The following RELN variants were observed in gnomAD, a reference collection of about 807,000 sequenced individuals.
The protein encoded by RELN is reelin.
Under a neutral mutation model 427.6 loss-of-function variants are expected in RELN, and 108 were observed. The observed-to-expected ratio is 0.25, with a 90% CI of 0.22 to 0.30. The LOEUF (loss-of-function observed/expected upper bound fraction) is 0.30. RELN is among the 10% of genes least tolerant of loss of function. The pLI, the probability that RELN is intolerant of heterozygous loss-of-function variation, is 1.00. For synonymous variants in RELN, 1,524 were observed against 1,513.4 expected (o/e 1.01, Z -0.16); for missense variants, 3,715 against 4,302.8 (o/e 0.86, Z 3.82).
At chr7:103,499,234 C>T (rs1828940722) in intron 53 of RELN, among the ~76,000 whole-genome samples, 1 of 152,156 alleles carries the variant, frequency 6.6e-6, no homozygotes, top group East Asian at 1.9e-4. Flanking sequence ...AATATTTTCC[C>T]CTGAGTCTCC....
chr7:103,690,613 G>A (rs1448645915), intron 10 of RELN, among the ~76,000 whole-genome samples: 3 of 152,088 alleles, frequency 2.0e-5, no homozygotes. Flanking sequence ...CTGTGAAAGA[G>A]AGCAAAACCA....
intron 36 of RELN, 38 bp downstream of exon 36, chr7:103,561,494 T>C (rs778825868): frequency 1.7e-5 from 25 of 1,428,972 alleles, no homozygotes; most frequent in Non-Finnish European, 2.3e-5. Flanking sequence ...ACAATGTTAG[T>C]AGTAATGTTG....
Position 103,565,353 on chromosome 7 carries a change from G to A in RELN, c.5135C>T (p.Thr1712Met), listed in dbSNP as rs1056128260. ...VPPTIGCLHYTESSIYTSERF... is the reference protein window; with the variant it reads ...VPPTIGCLHYMESSIYTSERF... Reference sequence around the variant, plus strand: ...TTCCGAGGTGTAAATTGAACTTTCCGTGTAATGCAGACAGCCAATGGTTGG... The same window carrying A: ...TTCCGAGGTGTAAATTGAACTTTCCATGTAATGCAGACAGCCAATGGTTGG... Residue 1712 changes from threonine to methionine, a missense_variant, in exon 34 of 65, where the codon ACG becomes ATG. Coordinates refer to ENST00000428762, the MANE Select transcript of RELN (RefSeq NM_005045.4). The A allele has an allele frequency of 6.8e-6, 11 of 1,614,050 alleles. No homozygotes were observed. The highest frequency in any genetic ancestry group is 1.7e-4 in the Middle Eastern group (1 of 6,060).
At chr7:103,938,216 G>A (rs981667661) in intron 1 of RELN, among the ~76,000 whole-genome samples, 11 of 152,196 alleles carry the variant, frequency 7.2e-5, no homozygotes, top group African/African-American at 2.2e-4. Flanking sequence ...AGCTACTCAA[G>A]AGGCTGAGGA....
At chr7:103,678,466 C>T (rs889671379) in intron 11 of RELN, among the ~76,000 whole-genome samples, 9 of 152,126 alleles carry the variant, frequency 5.9e-5, no homozygotes, top group African/African-American at 2.2e-4. Context: ...AAAAAATAAA[C>T]CTATCAACAC....
Position 103,594,316 on chromosome 7 carries a change from A to AT in RELN, c.3711+4_3711+5insA. 1 of 1,612,562 alleles carries AT rather than the reference A, an allele frequency of 6.2e-7. No individual in the cohort carries two copies. The highest frequency in any genetic ancestry group is 8.5e-7 in the Non-Finnish European group (1 of 1,178,644). ...TCTTCTTGGAGTTCAGACATAGGAG[A>AT]ATACCTGAGGTAAAGTTGGATTGAT... On this transcript the variant is annotated splice_donor_region_variant and intron_variant, in intron 26 of 64. Transcript: ENST00000428762.
intron 6 of RELN, among the ~76,000 whole-genome samples, chr7:103,739,216 C>G (rs549743): frequency 0.22 from 33,271 of 152,102 alleles, 4,802 homozygotes; most frequent in African/African-American, 0.41. Flanking sequence ...AATACTGGCA[C>G]TGTTTATATT....
At chr7:103,970,233 C>T (rs9632690) in intron 1 of RELN, among the ~76,000 whole-genome samples, 24,877 of 150,220 alleles carry the variant, frequency 0.17, 2,112 homozygotes, top group Middle Eastern at 0.29. Flanking sequence ...ACCTCCGCCT[C>T]CAGGGTTCAA....
intron 53 of RELN, among the ~76,000 whole-genome samples, chr7:103,500,118 G>GTAATGACAAATGCA (rs1249937675): frequency 6.6e-6 from 1 of 152,092 alleles, no homozygotes; most frequent in Non-Finnish European, 1.5e-5. Flanking sequence ...TTCTGTTATT[G>GTAATGACAAATGCA]TAATGACAAA....
chr7:103,804,008 T>C (rs889548958), intron 3 of RELN, among the ~76,000 whole-genome samples: 5 of 152,094 alleles, frequency 3.3e-5, no homozygotes, highest in African/African-American at 1.2e-4. Context: ...TGACGTGTCA[T>C]TGGAAAGAAA....
Position 103,561,835 on chromosome 7 carries a change from T to C in RELN, c.5329A>G (p.Ile1777Val). The change falls in exon 35 of 65, where the codon ATT (isoleucine) becomes GTT (valine). Residue 1777 changes from isoleucine (I) to valine (V), a missense_variant. Around this residue, in one of 4 missense-constraint regions of RELN, gnomAD observed 2,208 missense variants for 2,361.7 expected, o/e 0.93. Coordinates refer to ENST00000428762, the MANE Select transcript of RELN (RefSeq NM_005045.4). ...TACACACAGCGTCCAGCATCACAAA[T>C]CCCTCGTCCTGAGCACATCCAAGGG... ...GCPWMCSGRG[I>V]CDAGRCVCDR... The C allele has an allele frequency of 1.2e-6, 2 of 1,613,458 alleles. No homozygotes were observed. Among genetic ancestry groups the C allele is most frequent in the Non-Finnish European group, 1.7e-6 (2 of 1,179,906 alleles).
intron 63 of RELN, among the ~76,000 whole-genome samples, chr7:103,480,223 T>G (rs1828184640): frequency 6.6e-6 from 1 of 152,210 alleles, no homozygotes; most frequent in African/African-American, 2.4e-5. Flanking sequence ...ATGGAGGTAT[T>G]CCACCTATTT....
intron 3 of RELN, among the ~76,000 whole-genome samples, chr7:103,802,573 T>C (rs1250282960): frequency 1.3e-5 from 2 of 152,142 alleles, no homozygotes; most frequent in Non-Finnish European, 2.9e-5. Context: ...AAATTCAAGA[T>C]ACCCAAATGT....
intron 2 of RELN, among the ~76,000 whole-genome samples, chr7:103,890,572 C>T (rs1342223200): frequency 6.6e-6 from 1 of 152,146 alleles, no homozygotes; most frequent in African/African-American, 2.4e-5. Context: ...CATCCCCACC[C>T]CCTACTGTCT....
intron 2 of RELN, among the ~76,000 whole-genome samples, chr7:103,870,957 C>G (rs140007701): frequency 3.9e-5 from 6 of 152,150 alleles, no homozygotes; most frequent in East Asian, 3.9e-4. Context: ...AGCAGGACCA[C>G]TGTGCTTTTT....
chr7:103,915,735 C>G (rs899606216), intron 2 of RELN, among the ~76,000 whole-genome samples: 1 of 152,108 alleles, frequency 6.6e-6, no homozygotes, highest in Non-Finnish European at 1.5e-5. Flanking sequence ...CATACTTATA[C>G]TAAAAAAATT....
rs531788140 is a variant in RELN at position 103,915,011 on chromosome 7, C to T, written c.337+2064G>A. On this transcript the variant is annotated intron_variant, in intron 2 of 64. Coordinates refer to ENST00000428762, the MANE Select transcript of RELN (RefSeq NM_005045.4). ...CCTTTCCTTTCACTTAGGATAAAGG[C>T]CCCAAACTTACAATATCCTGAATGG... is the stretch of plus-strand genomic sequence containing the variant. 7.2e-5 allele frequency among the ~76,000 whole-genome samples: 11 copies of T among 152,246 alleles called. No individual in the cohort carries two copies. The South Asian group carries it at 2.1e-3, about 29-fold the overall frequency.
At chr7:103,852,422 A>T (rs1443086827) in intron 2 of RELN, among the ~76,000 whole-genome samples, 3 of 152,158 alleles carry the variant, frequency 2.0e-5, no homozygotes, top group African/African-American at 7.2e-5. Flanking sequence ...TCCTTTGGTA[A>T]ATTATATGTA....
intron 1 of RELN, among the ~76,000 whole-genome samples, chr7:103,931,612 G>T (rs1047865086): frequency 6.6e-6 from 1 of 152,150 alleles, no homozygotes; most frequent in Admixed American, 6.5e-5. Flanking sequence ...ATTTAAATTA[G>T]GTAAATACAG....
Sources: allele counts gnomAD v4.1 joint callset (sites outside exome capture counted in the v4.1 genomes callset), GRCh38; gene constraint gnomAD v4.1.1; regional missense constraint gnomAD v4.1.1; transcripts MANE v1.5; gene names NCBI Gene and HGNC (gene_info 2026-07-23, HGNC 2026-07-21).